Variants in THSD7B observed in about 807,000 individuals in gnomAD.
THSD7B encodes the protein thrombospondin type 1 domain containing 7B, also known as thrombospondin type-1 domain-containing protein 7B.
Under a neutral mutation model 213.6 loss-of-function variants are expected in THSD7B, and 138 were observed. The ratio of observed to expected loss-of-function variants is 0.65; its 90% CI spans 0.56 to 0.74. THSD7B has a LOEUF of 0.74. Ranked by LOEUF, THSD7B falls within the 30% of genes least tolerant of loss-of-function variation. The pLI is 0.00. For missense variants in THSD7B, 1,931 were observed against 1,991.5 expected (o/e 0.97, Z 0.58); for synonymous variants, 742 against 687.0 (o/e 1.08, Z -1.25).
chr2:136,968,506 G>T (rs1011574949), intron 2 of THSD7B, among the ~76,000 whole-genome samples: 2 of 151,786 alleles, frequency 1.3e-5, no homozygotes, highest in African/African-American at 4.8e-5. Context: ...GTATATTCTT[G>T]GGATGACTGC....
At chr2:137,656,133 T>G (rs894422557) in intron 22 of THSD7B, among the ~76,000 whole-genome samples, 1 of 152,210 alleles carries the variant, frequency 6.6e-6, no homozygotes, top group Non-Finnish European at 1.5e-5. Context: ...TCTATATAAA[T>G]TTTATTAGTT....
rs1479111532 is a variant in THSD7B at position 137,209,494 on chromosome 2, G to A, written c.1724-21550G>A. On this transcript the variant is annotated intron_variant, in intron 7 of 27. Coordinates refer to ENST00000409968, the MANE Select transcript of THSD7B (RefSeq NM_001316349.2). ...GAAACACAGATCACACAATTACATT[G>A]TTTACCTGGAAATAATGTAATTACT... Among the ~76,000 whole-genome samples the A allele has an allele frequency of 2.0e-5, 3 of 151,944 alleles. No homozygotes were observed. The East Asian group carries it at 5.8e-4, about 29-fold the overall frequency.
intron 12 of THSD7B, among the ~76,000 whole-genome samples, chr2:137,334,558 C>T (rs1684594360): frequency 6.6e-6 from 1 of 152,126 alleles, no homozygotes; most frequent in African/African-American, 2.4e-5. Flanking sequence ...TCCTCCATTT[C>T]TCCCCATTCC....
At chr2:137,548,947 C>T (rs903655551) in intron 15 of THSD7B, among the ~76,000 whole-genome samples, 3 of 151,890 alleles carry the variant, frequency 2.0e-5, no homozygotes, top group Non-Finnish European at 4.4e-5. Context: ...TTGAGCAAGG[C>T]AACAGTTGCA....
chr2:137,207,308 C>T (rs746589355), intron 7 of THSD7B, among the ~76,000 whole-genome samples: 9 of 152,068 alleles, frequency 5.9e-5, no homozygotes, highest in Non-Finnish European at 1.3e-4. Context: ...GAAATGGGTA[C>T]ATCATTGCTC....
chr2:137,476,871 G>A lies in THSD7B; in HGVS notation c.3138+25848G>A, dbSNP rs528991998. On this transcript the variant is annotated intron_variant, in intron 15 of 27. Transcript: ENST00000409968. ...ATTACTTTTATTCCACTGTGGTATA[G>A]GAAGATACCAGATATGATCTTGATT... 1.1e-4 allele frequency among the ~76,000 whole-genome samples: 16 copies of A among 152,204 alleles called. No homozygotes were observed. The South Asian group carries it at 3.3e-3, about 32-fold the overall frequency.
rs563774640 is a variant in THSD7B, at chr2:137,111,453, A to G, written c.1200-3671A>G. Reference sequence around the variant, plus strand: ...TCATTTTATTATGAAGATATGCTTTAGAATCAGGTAAACCTTGCTTTGAAC... The same window carrying G: ...TCATTTTATTATGAAGATATGCTTTGGAATCAGGTAAACCTTGCTTTGAAC... On this transcript the variant is annotated intron_variant, in intron 4 of 27. Coordinates refer to ENST00000409968, the MANE Select transcript of THSD7B (RefSeq NM_001316349.2). 1.3e-3 allele frequency among the ~76,000 whole-genome samples: 200 copies of G among 152,314 alleles called. 1 individual carries two copies. Among genetic ancestry groups the G allele is most frequent in the Non-Finnish European group, 2.3e-3 (156 of 68,028 alleles).
chr2:137,526,295 A>G (rs1475061667), intron 15 of THSD7B, among the ~76,000 whole-genome samples: 2 of 152,292 alleles, frequency 1.3e-5, no homozygotes, highest in East Asian at 3.9e-4. Flanking sequence ...TCCATTTATT[A>G]ATATTTGTAA....
chr2:136,769,241 T>A (rs531649462), intron 1 of THSD7B, among the ~76,000 whole-genome samples: 3 of 152,280 alleles, frequency 2.0e-5, no homozygotes, highest in African/African-American at 7.2e-5. Flanking sequence ...GAAATAGGAA[T>A]CCCAGCCACT....
intron 15 of THSD7B, among the ~76,000 whole-genome samples, chr2:137,559,424 T>A (rs2105218738): frequency 6.6e-6 from 1 of 152,244 alleles, no homozygotes; most frequent in Non-Finnish European, 1.5e-5. Flanking sequence ...TCTACAACTA[T>A]CTGATTTTTG....
chr2:137,110,604 G>A (rs1267105953), intron 4 of THSD7B, among the ~76,000 whole-genome samples: 1 of 152,118 alleles, frequency 6.6e-6, no homozygotes, highest in African/African-American at 2.4e-5. Context: ...GAATGAGCAG[G>A]GAGCAATGTT....
At chr2:136,914,017 C>A (rs1464095792) in intron 2 of THSD7B, among the ~76,000 whole-genome samples, 2 of 152,188 alleles carry the variant, frequency 1.3e-5, no homozygotes, top group African/African-American at 4.8e-5. Flanking sequence ...CACTCAACAC[C>A]AGCCCATGAA....
intron 7 of THSD7B, among the ~76,000 whole-genome samples, chr2:137,218,942 G>C (rs1038684872): frequency 1.3e-4 from 19 of 151,322 alleles, no homozygotes; most frequent in Middle Eastern, 3.4e-3. Flanking sequence ...ATGCTGCCTT[G>C]TCTGTGGTAT....
intron 12 of THSD7B, among the ~76,000 whole-genome samples, chr2:137,305,162 T>C (rs1002354897): frequency 1.3e-5 from 2 of 152,188 alleles, no homozygotes; most frequent in East Asian, 3.8e-4. Context: ...GACAGTTTGA[T>C]AGAGTGTAGA....
intron 7 of THSD7B, among the ~76,000 whole-genome samples, 166 bp downstream of exon 7, chr2:137,171,104 C>T (rs145564872): frequency 3.9e-5 from 6 of 152,076 alleles, no homozygotes; most frequent in East Asian, 3.9e-4. Context: ...AGTAAGGTGC[C>T]GTGACTTAAT....
At chr2:137,200,502 A>T (rs1680853388) in intron 7 of THSD7B, among the ~76,000 whole-genome samples, 1 of 152,146 alleles carries the variant, frequency 6.6e-6, no homozygotes, top group Non-Finnish European at 1.5e-5. Context: ...ACATACATAT[A>T]GAAATCAGCA....
chr2:136,872,480 T>C (rs568562979), intron 1 of THSD7B, among the ~76,000 whole-genome samples: 3 of 152,148 alleles, frequency 2.0e-5, no homozygotes. Context: ...CTGAGTCACA[T>C]GGCAGCCCTA....
At position 137,463,250 on chromosome 2, in the gene THSD7B, G is replaced by T. The variant is rs1325190835; in HGVS notation, c.3138+12227G>T. 2.0e-5 allele frequency among the ~76,000 whole-genome samples: 3 copies of T among 152,084 alleles called. No homozygotes were observed. In the East Asian group the frequency reaches 5.8e-4, roughly 29 times the overall value. The stretch of plus-strand genomic sequence containing the variant: ...CTACAACACAAAGACAGAAATTGTG[G>T]TTGCTTTTCTCTGTATTCAGAGCAA... On this transcript the variant is annotated intron_variant, in intron 15 of 27. Transcript: ENST00000409968.
chr2:136,854,152 CT>C (rs1485361410), intron 1 of THSD7B, among the ~76,000 whole-genome samples: 1 of 151,908 alleles, frequency 6.6e-6, no homozygotes. Context: ...AATGTCATTG[CT>C]TCTAGGCCCT....
Sources: gnomAD v4.1 joint callset for allele counts (sites outside exome capture counted in the v4.1 genomes callset) on GRCh38, gnomAD v4.1.1 for gene constraint, MANE v1.5 for transcripts, NCBI Gene and HGNC (gene_info 2026-07-23, HGNC 2026-07-21) for gene names.